DCP1B: variants seen among roughly 807,000 people sequenced by gnomAD.
The protein encoded by DCP1B is mRNA-decapping enzyme 1B.
A neutral mutation model predicts 60.5 loss-of-function variants in DCP1B; 47 were observed. The ratio of observed to expected loss-of-function variants is 0.78; its 90% CI spans 0.61 to 0.99. The LOEUF (loss-of-function observed/expected upper bound fraction) is 0.99. DCP1B is among the 50% of genes least tolerant of loss of function. The pLI, the probability that DCP1B is intolerant of heterozygous loss-of-function variation, is 0.00. For missense variants in DCP1B, 725 were observed against 756.8 expected (o/e 0.96, Z 0.49); for synonymous variants, 267 against 280.3 (o/e 0.95, Z 0.47).
chr12:1,965,965 C>T (rs996465314), intron 4 of DCP1B: 1 of 359,660 alleles, frequency 2.8e-6, no homozygotes, highest in Middle Eastern at 7.7e-4. Context: ...CAGCCAAGCT[C>T]AACACAGCCA....
intron 1 of DCP1B, among the ~76,000 whole-genome samples, chr12:2,002,820 T>C (rs2154479595): frequency 6.6e-6 from 1 of 152,284 alleles, no homozygotes; most frequent in Non-Finnish European, 1.5e-5. Flanking sequence ...AATATCTTTT[T>C]ATATATTTTT....
At position 1,955,068 on chromosome 12, in the gene DCP1B, G is replaced by T. The variant is rs948733281; in HGVS notation, c.651+364C>A. ...GATGGAGTCTCACTGTGTTGCCCAG[G>T]CTGCTCTCAAACTTCTGGCCTCAAA... On this transcript the variant is annotated intron_variant, in intron 6 of 8. Transcript: ENST00000280665. Among the ~76,000 whole-genome samples, 3 of 152,082 alleles carry T rather than the reference G, an allele frequency of 2.0e-5. No individual in the cohort carries two copies. In the South Asian group the frequency reaches 6.2e-4, roughly 31 times the overall value.
chr12:1,996,253 G>C (rs113948074), intron 2 of DCP1B, among the ~76,000 whole-genome samples: 4,167 of 152,098 alleles, frequency 0.027, 95 homozygotes, highest in Middle Eastern at 0.054. Flanking sequence ...CTGTTCATAA[G>C]CCTTCAATAA....
At position 1,952,570 on chromosome 12, in the gene DCP1B, T is replaced by C; in HGVS notation, c.1370A>G (p.Gln457Arg). ...ISPQELLKKL[Q>R]IVQQEQQLHA... is the part of the protein sequence containing the mutation. ...CAGCTGCTGCTCCTGCTGTACAATC[T>C]GAAGCTTCTTCAGTAACTCTTGAGG... The change falls in exon 7 of 9, where the codon CAG (glutamine) becomes CGG (arginine). Residue 457 changes from glutamine to arginine, a missense_variant. Physicochemically the swap from Gln to Arg is conservative, Grantham distance 43. Transcript: ENST00000280665. The C allele has an allele frequency of 6.2e-7, 1 of 1,614,194 alleles. No homozygotes were observed. The highest frequency in any genetic ancestry group is 1.3e-5 in the African/African-American group (1 of 75,038).
At chr12:1,995,989 CCTGT>C (rs2040704514) in intron 2 of DCP1B, among the ~76,000 whole-genome samples, 1 of 152,212 alleles carries the variant, frequency 6.6e-6, no homozygotes, top group African/African-American at 2.4e-5. Flanking sequence ...TTCTTGACCT[CCTGT>C]CTTTCTTTTC....
chr12:1,963,628 A>G (rs2031199617), intron 5 of DCP1B, among the ~76,000 whole-genome samples: 1 of 152,208 alleles, frequency 6.6e-6, no homozygotes, highest in African/African-American at 2.4e-5. Flanking sequence ...TGATGTTAGA[A>G]TGTGGTGCTC....
At chr12:1,974,153 C>T (rs1376454931) in intron 3 of DCP1B, among the ~76,000 whole-genome samples, 1 of 152,158 alleles carries the variant, frequency 6.6e-6, no homozygotes, top group Non-Finnish European at 1.5e-5. Context: ...GAAATGAAAT[C>T]TAAGACTTCA....
At chr12:1,946,744 A>G (rs868164516) in intron 8 of DCP1B, among the ~76,000 whole-genome samples, 4 of 152,192 alleles carry the variant, frequency 2.6e-5, no homozygotes, top group Admixed American at 1.3e-4. Context: ...CTGTCACCCA[A>G]GCTAAAGTGC....
At position 1,971,291 on chromosome 12, in the gene DCP1B, C is replaced by T. The variant is rs1015723941; in HGVS notation, c.320-3381G>A. The T allele has an allele frequency of 5.6e-6, 4 of 718,606 alleles. No individual in the cohort carries two copies. Among genetic ancestry groups the T allele is most frequent in the Non-Finnish European group, 8.1e-6 (4 of 491,892 alleles). 44.5% of individuals were successfully genotyped at this position (718,606 alleles called of 1,614,324 possible). Reference sequence around the variant, plus strand: ...AATGATACCTAGAATGTGACTTCCTCACTCTAAGAACTCATCTCTCCATAT... The same window carrying T: ...AATGATACCTAGAATGTGACTTCCTTACTCTAAGAACTCATCTCTCCATAT... On this transcript the variant is annotated intron_variant, in intron 3 of 8. Coordinates refer to ENST00000280665, the MANE Select transcript of DCP1B (RefSeq NM_152640.5). The surrounding 1 kb of genome is among the most constrained non-coding windows in gnomAD (Gnocchi z 4.2).
intron 6 of DCP1B, among the ~76,000 whole-genome samples, chr12:1,955,202 CA>C (rs1444292031): frequency 6.6e-6 from 1 of 152,138 alleles, no homozygotes; most frequent in African/African-American, 2.4e-5. Flanking sequence ...TTCAAGTTCA[CA>C]AGAGATTAGC....
chr12:1,952,638 G>A lies in DCP1B; in HGVS notation c.1302C>T (p.Leu434=). The A allele has an allele frequency of 6.2e-7, 1 of 1,614,184 alleles. No homozygotes were observed. The highest frequency in any genetic ancestry group is 8.5e-7 in the Non-Finnish European group (1 of 1,180,040). ...REQSTLPRQT[L]PISGSQTGSS... ...TGCCAGTCTGACTACCAGAGATGGG[G>A]AGTGTTTGTCTTGGGAGTGTGGACT... is the stretch of plus-strand genomic sequence containing the variant. The change falls in exon 7 of 9, where the codon CTC becomes CTT. Residue 434 remains leucine, a synonymous_variant. Coordinates refer to ENST00000280665, the MANE Select transcript of DCP1B (RefSeq NM_152640.5).
At chr12:2,001,153 T>C (rs567774647) in intron 1 of DCP1B, among the ~76,000 whole-genome samples, 1 of 152,316 alleles carries the variant, frequency 6.6e-6, no homozygotes, top group South Asian at 2.1e-4. Flanking sequence ...TACATTTCTG[T>C]TCTATTACAG....
rs138829943 is a variant in DCP1B at position 1,962,293 on chromosome 12, G to A, written c.522+3265C>T. The stretch of plus-strand genomic sequence containing the variant: ...ATTGGTTAGTGTGCATATTAAAGGC[G>A]TGCTCCTGGCCAAGCCCTTTGCTAT... On this transcript the variant is annotated intron_variant, in intron 5 of 8. Transcript: ENST00000280665. This position sits in a 1 kb window ranked among gnomAD's most constrained non-coding sequence, Gnocchi z 4.4. Among the ~76,000 whole-genome samples, 834 of 152,218 alleles carry A rather than the reference G, an allele frequency of 5.5e-3. 8 individuals carry two copies. The highest frequency in any genetic ancestry group is 0.019 in the African/African-American group (774 of 41,536).
chr12:1,945,803 T>C (rs899853532), downstream of DCP1B, among the ~76,000 whole-genome samples: 10 of 152,062 alleles, frequency 6.6e-5, no homozygotes, highest in Non-Finnish European at 1.3e-4. Flanking sequence ...AAACACCACA[T>C]GTTCTCACTC....
chr12:1,997,948 A>G lies in DCP1B; in HGVS notation c.178T>C (p.Phe60Leu). 2 of 1,609,018 alleles carry G rather than the reference A, an allele frequency of 1.2e-6. No individual in the cohort carries two copies. The highest frequency in any genetic ancestry group is 8.5e-7 in the Non-Finnish European group (1 of 1,177,970). Residue 60 changes from phenylalanine (F) to leucine (L), a missense_variant, in exon 2 of 9, where the codon TTT (phenylalanine) becomes CTT (leucine). Coordinates refer to ENST00000280665, the MANE Select transcript of DCP1B (RefSeq NM_152640.5). Reference protein sequence around the residue: ...WEKTDVEGTLFVYTRSASPKH... With the variant: ...WEKTDVEGTLLVYTRSASPKH... ...AAACACTCTTACCTTGTATAAACAA[A>G]TAAGGTTCCTTCCACATCAGTTTTC...
At chr12:1,951,236 T>C (rs751659238) in intron 7 of DCP1B, among the ~76,000 whole-genome samples, 18 of 152,084 alleles carry the variant, frequency 1.2e-4, no homozygotes, top group Non-Finnish European at 1.3e-4. Context: ...GATCGCACCA[T>C]TGTACTCCAG....
intron 3 of DCP1B, among the ~76,000 whole-genome samples, chr12:1,982,983 CTTGAG>C (rs1224195598): frequency 1.3e-5 from 2 of 151,984 alleles, no homozygotes; most frequent in Non-Finnish European, 2.9e-5. Context: ...ACCTATTTTT[CTTGAG>C]TTAATTCTGA....
intron 3 of DCP1B, among the ~76,000 whole-genome samples, chr12:1,978,048 C>A (rs754540876): frequency 6.6e-6 from 1 of 152,164 alleles, no homozygotes; most frequent in Non-Finnish European, 1.5e-5. Flanking sequence ...AATTGACTCT[C>A]AAGAGAGAAG....
At chr12:2,000,321 C>T (rs936266451) in intron 1 of DCP1B, among the ~76,000 whole-genome samples, 1 of 152,198 alleles carries the variant, frequency 6.6e-6, no homozygotes, top group African/African-American at 2.4e-5. Flanking sequence ...GATCAAAACA[C>T]TCTCCTGGTC....
Sources: gnomAD v4.1 joint callset for allele counts (sites outside exome capture counted in the v4.1 genomes callset) on GRCh38, gnomAD v4.1.1 for gene constraint, Gnocchi (gnomAD v3.1) non-coding constraint, MANE v1.5 for transcripts, NCBI Gene and HGNC (gene_info 2026-07-23, HGNC 2026-07-21) for gene names.